Variants in RPS6KA1 observed in about 807,000 individuals in gnomAD.
The protein encoded by RPS6KA1 is ribosomal protein S6 kinase alpha-1.
A neutral mutation model predicts 91.3 loss-of-function variants in RPS6KA1; 48 were observed. The ratio of observed to expected loss-of-function variants is 0.53; its 90% CI spans 0.42 to 0.67. The LOEUF is 0.67. Among genes scored for constraint, RPS6KA1 ranks in the 30% least tolerant of loss-of-function variants. The pLI is 0.00. For missense variants in RPS6KA1, 719 were observed against 960.5 expected, an observed-to-expected ratio of 0.75 and a Z score of 3.32; for synonymous variants, 359 against 384.7, an observed-to-expected ratio of 0.93 and a Z score of 0.78.
chr1:26,568,256 C>T (rs909487982), intron 17 of RPS6KA1, among the ~76,000 whole-genome samples: 4 of 152,162 alleles, frequency 2.6e-5, no homozygotes, highest in African/African-American at 4.8e-5. Context: ...ATTTTCCATG[C>T]GGTGAGATGT....
intron 2 of RPS6KA1, among the ~76,000 whole-genome samples, chr1:26,539,787 G>A (rs978107126): frequency 6.6e-6 from 1 of 152,188 alleles, no homozygotes; most frequent in African/African-American, 2.4e-5. Context: ...AAGGCACACC[G>A]GGGCTCCATT....
rs1269690134 is a variant in RPS6KA1 at position 26,571,720 on chromosome 1, C to T, written c.1752+110C>T. On this transcript the variant is annotated intron_variant, in intron 18 of 21. Transcript: ENST00000374168. This position sits in a 1 kb window ranked among gnomAD's most constrained non-coding sequence, Gnocchi z 5.1. ...GACTCCAGTCTCTGTGACCTTGGCC[C>T]AGCTGGCAAGGGAAGATCTAGCCTG... is the stretch of plus-strand genomic sequence containing the variant. 8 of 1,495,778 alleles carry T rather than the reference C, an allele frequency of 5.3e-6. No homozygotes were observed. Among genetic ancestry groups the T allele is most frequent in the African/African-American group, 2.8e-5 (2 of 72,298 alleles). The allele number at this position is 1,495,778 out of a possible 1,614,324, so 92.7% of individuals were successfully genotyped here. A position where few individuals can be genotyped will look rare whatever the true frequency, so the allele number is the denominator to read the frequency against.
chr1:26,553,887 T>C (rs898419375), intron 7 of RPS6KA1: 13 of 304,494 alleles, frequency 4.3e-5, no homozygotes, highest in Admixed American at 3.4e-4. Flanking sequence ...TAGGCAGCCC[T>C]GTATTCAAAT....
chr1:26,559,175 G>T (rs572429473), intron 14 of RPS6KA1, among the ~76,000 whole-genome samples: 1 of 152,308 alleles, frequency 6.6e-6, no homozygotes, highest in South Asian at 2.1e-4. Flanking sequence ...GTCAGGAGGT[G>T]CCCAGGGTGG....
intron 17 of RPS6KA1, among the ~76,000 whole-genome samples, chr1:26,566,831 A>G (rs965742081): frequency 6.6e-6 from 1 of 152,116 alleles, no homozygotes; most frequent in Admixed American, 6.6e-5. Flanking sequence ...TCTATAATAG[A>G]GGGCTTCTCC....
chr1:26,546,725 T>C (rs961047615), intron 2 of RPS6KA1, 142 bp from the exon 3 acceptor site: 36 of 636,128 alleles, frequency 5.7e-5, no homozygotes, highest in Non-Finnish European at 9.2e-5. Context: ...TCGATGACCC[T>C]GGAGGCTAGC....
At chr1:26,557,170 G>A in intron 13 of RPS6KA1, 70 bp downstream of exon 13, 1 of 1,244,920 alleles carries the variant, frequency 8.0e-7, no homozygotes, top group Admixed American at 1.7e-5. Context: ...GTGGCAGCTT[G>A]GGGGGCAGAG....
Position 26,558,640 on chromosome 1 carries a change from A to G in RPS6KA1, c.1085-167A>G, listed in dbSNP as rs527728868. ...AGGACTGGGCTGGTCTAATAAACAC[A>G]TATGAGCAGTTGGGCCAAGGCCTGT... On this transcript the variant is annotated intron_variant, in intron 13 of 21. Transcript: ENST00000374168. The surrounding 1 kb of genome is among the most constrained non-coding windows in gnomAD (Gnocchi z 4.0). Among the ~76,000 whole-genome samples the G allele has an allele frequency of 3.9e-5, 6 of 152,334 alleles. No homozygotes were observed. The highest frequency in any genetic ancestry group is 2.1e-4 in the South Asian group (1 of 4,830).
In RPS6KA1 at chr1:26,529,998, CGG is replaced by C; in HGVS notation, c.63+19_63+20del. On this transcript the variant is annotated intron_variant, in intron 1 of 21. Transcript: ENST00000374168. This position sits in a 1 kb window ranked among gnomAD's most constrained non-coding sequence, Gnocchi z 4.2. Reference sequence around the variant, plus strand: ...TGGACCCGGAGGTGAGTGAGCGGGGCGGGGGACGGGCGCCCGCGGCCGGCGAG... The same window carrying C: ...TGGACCCGGAGGTGAGTGAGCGGGGCGGGACGGGCGCCCGCGGCCGGCGAG... 3 of 1,343,320 alleles carry C rather than the reference CGG, an allele frequency of 2.2e-6. No homozygotes were observed. Among genetic ancestry groups the C allele is most frequent in the Non-Finnish European group, 2.9e-6 (3 of 1,045,830 alleles). 83.2% of individuals were successfully genotyped at this position (1,343,320 alleles called of 1,614,324 possible). A position where few individuals can be genotyped will look rare whatever the true frequency, so the allele number is the denominator to read the frequency against.
Position 26,553,423 on chromosome 1 carries a change from C to G in RPS6KA1, c.501C>G (p.Tyr167Ter). The G allele has an allele frequency of 6.2e-7, 1 of 1,613,104 alleles. No individual in the cohort carries two copies. The highest frequency in any genetic ancestry group is 8.5e-7 in the Non-Finnish European group (1 of 1,179,324). ...VMFTEEDVKF[Y>*]LAELALGLDH... ...TCACGGAGGAGGATGTGAAGTTTTA[C>G]CTGGCTGAGCTGGCTCTGGGCCTGG... is the stretch of plus-strand genomic sequence containing the variant. The change falls in exon 7 of 22, where the codon TAC (tyrosine) becomes TAG (stop). Residue 167 changes from tyrosine to a stop codon, truncating the protein, a stop_gained. Coordinates refer to ENST00000374168, the MANE Select transcript of RPS6KA1 (RefSeq NM_002953.4). LOFTEE classifies it high-confidence loss of function.
chr1:26,556,616 G>A, intron 11 of RPS6KA1, 38 bp from the exon 12 acceptor site: 1 of 1,611,202 alleles, frequency 6.2e-7, no homozygotes, highest in Non-Finnish European at 8.5e-7. Context: ...TGGGACTTGT[G>A]CCAGCCAGGG....
chr1:26,550,408 T>C (rs2076039468), intron 4 of RPS6KA1, among the ~76,000 whole-genome samples: 1 of 150,606 alleles, frequency 6.6e-6, no homozygotes, highest in Non-Finnish European at 1.5e-5. Context: ...GGTCTCGATC[T>C]CCTGACCTCA....
rs540346065 is a variant in RPS6KA1, at chr1:26,547,787, T to A, written c.307+517T>A. Among the ~76,000 whole-genome samples the A allele has an allele frequency of 3.3e-5, 5 of 152,094 alleles. No homozygotes were observed. Among genetic ancestry groups the A allele is most frequent in the Admixed American group, 6.6e-5 (1 of 15,262 alleles). ...GACTTACAAAGGGTGTGAAGATGGT[T>A]GGTAGTGGGCTTTGGGTTGGATACT... On this transcript the variant is annotated intron_variant, in intron 4 of 21. Coordinates refer to ENST00000374168, the MANE Select transcript of RPS6KA1 (RefSeq NM_002953.4). The surrounding 1 kb of genome is among the most constrained non-coding windows in gnomAD (Gnocchi z 4.1).
intron 2 of RPS6KA1, 37 bp downstream of exon 2, chr1:26,537,006 T>G (rs1417819011): frequency 1.2e-6 from 2 of 1,610,738 alleles, no homozygotes; most frequent in Non-Finnish European, 1.7e-6. Context: ...CGAGGGGCTG[T>G]GGGGGATCCT....
chr1:26,573,666 G>A (rs951290945), intron 21 of RPS6KA1, among the ~76,000 whole-genome samples: 52 of 152,154 alleles, frequency 3.4e-4, no homozygotes, highest in Non-Finnish European at 3.8e-4. Context: ...TAGGCTGGGC[G>A]CGGTGGCTCA....
rs2075911206 is a variant in RPS6KA1 at position 26,536,940 on chromosome 1, G to A, written c.79G>A (p.Gly27Arg). 4 of 1,614,018 alleles carry A rather than the reference G, an allele frequency of 2.5e-6. No individual in the cohort carries two copies. The highest frequency in any genetic ancestry group is 2.7e-5 in the African/African-American group (2 of 74,950). ...PLDPENGQTS[G>R]EEAGLQPSKD... ...TCTTTTCCAGAATGGACAGACCTCA[G>A]GGGAAGAAGCTGGACTTCAGCCGTC... The change falls in exon 2 of 22, where the codon GGG (glycine) becomes AGG (arginine). Residue 27 changes from glycine (G) to arginine (R), a missense_variant. By Grantham distance (125) the Gly-to-Arg change is moderately radical. Around this residue, in one of 5 missense-constraint regions of RPS6KA1, gnomAD observed 57 missense variants for 55.8 expected, o/e 1.02. Coordinates refer to ENST00000374168, the MANE Select transcript of RPS6KA1 (RefSeq NM_002953.4).
intron 12 of RPS6KA1, 27 bp from the exon 13 acceptor site, chr1:26,556,971 G>T (rs766535970): frequency 6.4e-7 from 1 of 1,573,338 alleles, no homozygotes; most frequent in East Asian, 2.2e-5. Flanking sequence ...ATGCCATGGT[G>T]ACCAGAGTGC....
rs762334137 is a variant in RPS6KA1, at chr1:26,571,965, C to T, written c.1829+40C>T. ...CCTGGACCCTTCCCCACTCCTGCAG[C>T]CCTAGCACTTGGGCTGAGTGGTGCT... On this transcript the variant is annotated intron_variant, in intron 19 of 21. Transcript: ENST00000374168. This position sits in a 1 kb window ranked among gnomAD's most constrained non-coding sequence, Gnocchi z 5.1. 1 of 1,583,626 alleles carries T rather than the reference C, an allele frequency of 6.3e-7. No homozygotes were observed. The highest frequency in any genetic ancestry group is 8.6e-7 in the Non-Finnish European group (1 of 1,157,312).
Position 26,558,327 on chromosome 1 carries a change from A to G in RPS6KA1, c.1085-480A>G, listed in dbSNP as rs1433195793. On this transcript the variant is annotated intron_variant, in intron 13 of 21. Coordinates refer to ENST00000374168, the MANE Select transcript of RPS6KA1 (RefSeq NM_002953.4). This position sits in a 1 kb window ranked among gnomAD's most constrained non-coding sequence, Gnocchi z 4.0. ...ACCCCTCTAAGGATCTGAGAAGTCC[A>G]ACATGGCTCAGCTGTGGTATGGAGA... Among the ~76,000 whole-genome samples the G allele has an allele frequency of 1.3e-5, 2 of 152,206 alleles. No homozygotes were observed. Among genetic ancestry groups the G allele is most frequent in the East Asian group, 1.9e-4 (1 of 5,178 alleles).
Sources: allele counts gnomAD v4.1 joint callset (sites outside exome capture counted in the v4.1 genomes callset), GRCh38; gene constraint gnomAD v4.1.1; regional missense constraint gnomAD v4.1.1; non-coding constraint Gnocchi (gnomAD v3.1); transcripts MANE v1.5; gene names NCBI Gene and HGNC (gene_info 2026-07-23, HGNC 2026-07-21).